The following UTP4 variants were observed in gnomAD, a reference collection of about 807,000 sequenced individuals.
UTP4 encodes UTP4 small subunit processome component.
Under a neutral mutation model 82.4 loss-of-function variants are expected in UTP4, and 45 were observed. The ratio of observed to expected loss-of-function variants is 0.55; its 90% CI spans 0.43 to 0.70. The LOEUF (loss-of-function observed/expected upper bound fraction) is 0.70. Ranked by LOEUF, UTP4 falls within the 30% of genes least tolerant of loss-of-function variation. The probability of loss-of-function intolerance (pLI) is 0.00; values close to 1 mark genes in which losing one functional copy is unlikely to be tolerated. For missense variants in UTP4, 819 were observed against 858.3 expected, an observed-to-expected ratio of 0.95 and a Z score of 0.57; for synonymous variants, 348 against 300.3, an observed-to-expected ratio of 1.16 and a Z score of -1.64.
At chr16:69,145,602 G>A (rs547550086) in intron 6 of UTP4, among the ~76,000 whole-genome samples, 5 of 151,468 alleles carry the variant, frequency 3.3e-5, no homozygotes, top group African/African-American at 9.7e-5. Flanking sequence ...AAACTGTGTC[G>A]TTGGAGGTGG....
rs1361989862 is a variant in UTP4, at chr16:69,164,595, T to TAC, written c.1648-745_1648-744insCA. On this transcript the variant is annotated intron_variant, in intron 14 of 16. Coordinates refer to ENST00000314423, the MANE Select transcript of UTP4 (RefSeq NM_032830.3). ...CAGTTCTAATCATTCTTTATATATA[T>TAC]ATATATATATATATATATATGTATA... Among the ~76,000 whole-genome samples, 6 of 128,406 alleles carry TAC rather than the reference T, an allele frequency of 4.7e-5. No homozygotes were observed. In the South Asian group the frequency reaches 1.3e-3, roughly 27 times the overall value. The allele number at this position is 128,406 out of a possible 152,430, so 84.2% of individuals were successfully genotyped here.
At chr16:69,135,794 G>A (rs532656768) in intron 2 of UTP4, among the ~76,000 whole-genome samples, 63 of 152,334 alleles carry the variant, frequency 4.1e-4, no homozygotes, top group African/African-American at 1.5e-3. Flanking sequence ...GGGAGGCCAA[G>A]GTGGGCAGAT....
chr16:69,150,760 G>T, intron 7 of UTP4, 52 bp downstream of exon 7: 1 of 1,613,510 alleles, frequency 6.2e-7, no homozygotes, highest in Non-Finnish European at 8.5e-7. Flanking sequence ...AGTTCTGGCT[G>T]TTCTCGTGAG....
chr16:69,138,982 T>TTC (rs969793038), intron 4 of UTP4: 1 of 149,244 alleles, frequency 6.7e-6, no homozygotes, highest in Non-Finnish European at 1.5e-5. Context: ...TTTTTTTTTT[T>TTC]TCCTGAGATG....
chr16:69,152,469 T>TC (rs1321932990), intron 8 of UTP4, among the ~76,000 whole-genome samples: 1 of 141,188 alleles, frequency 7.1e-6, no homozygotes, highest in Non-Finnish European at 1.5e-5. Flanking sequence ...TTTTTCTTTT[T>TC]TTTTTTTTTT....
chr16:69,167,132 G>C lies in UTP4; in HGVS notation c.1891G>C (p.Asp631His). The C allele has an allele frequency of 1.2e-6, 2 of 1,613,996 alleles. No homozygotes were observed. The highest frequency in any genetic ancestry group is 1.1e-5 in the South Asian group (1 of 91,082). Residue 631 changes from aspartate (D) to histidine (H), a missense_variant, in exon 16 of 17, where the codon GAT (aspartate) becomes CAT (histidine). Physicochemically the swap from Asp to His is moderately conservative, Grantham distance 81 (BLOSUM62 -1). Transcript: ENST00000314423. Reference sequence around the variant, plus strand: ...TCCATTTCCTCCCACGAATGAATCAGATGTCATCCGGAGGCGCACAGCTCA... The same window carrying C: ...TCCATTTCCTCCCACGAATGAATCACATGTCATCCGGAGGCGCACAGCTCA... ...YNPFPPTNES[D>H]VIRRRTAHAF...
rs755803540 is a variant in UTP4, at chr16:69,153,642, A to G, written c.1061A>G (p.His354Arg). The change falls in exon 9 of 17, where the codon CAC becomes CGC. Residue 354 changes from histidine (H) to arginine (R), a missense_variant. His to Arg is a conservative substitution (Grantham distance 29, BLOSUM62 0). Coordinates refer to ENST00000314423, the MANE Select transcript of UTP4 (RefSeq NM_032830.3). ...RQLLLFQFAH[H>R]LELWRLGSTV... ...CTTCTCCTCTTCCAGTTTGCTCATC[A>G]CTTAGAACTTTGGCGACTGGGATCC... The G allele has an allele frequency of 2.5e-6, 4 of 1,613,466 alleles. No individual in the cohort carries two copies. Among genetic ancestry groups the G allele is most frequent in the Non-Finnish European group, 3.4e-6 (4 of 1,179,750 alleles).
intron 13 of UTP4, among the ~76,000 whole-genome samples, chr16:69,160,678 C>T (rs561599184): frequency 1.3e-5 from 2 of 150,308 alleles, no homozygotes; most frequent in South Asian, 2.1e-4. Context: ...CTCACTGCAA[C>T]CTCAGCCTCC....
chr16:69,139,922 T>C lies in UTP4; in HGVS notation c.526+8T>C, dbSNP rs1263837585. ...TGTTTGATGTCAAATCAGGTGATTG[T>C]TTTTTTCAGTTCATTTGGGGTGTGG... On this transcript the variant is annotated splice_region_variant and intron_variant, in intron 5 of 16. Coordinates refer to ENST00000314423, the MANE Select transcript of UTP4 (RefSeq NM_032830.3). 1.3e-6 allele frequency: 2 copies of C among 1,590,634 alleles called. No homozygotes were observed. Among genetic ancestry groups the C allele is most frequent in the Non-Finnish European group, 1.7e-6 (2 of 1,158,678 alleles).
chr16:69,134,323 G>A (rs1427094631), intron 2 of UTP4, among the ~76,000 whole-genome samples: 2 of 152,060 alleles, frequency 1.3e-5, no homozygotes, highest in African/African-American at 4.8e-5. Flanking sequence ...TAGGCATTCT[G>A]TAAATGTTTC....
intron 3 of UTP4, 24 bp from the exon 4 acceptor site, chr16:69,137,777 G>A: frequency 7.0e-7 from 1 of 1,428,090 alleles, no homozygotes; most frequent in Non-Finnish European, 9.9e-7. Context: ...GATTTTTTCT[G>A]TTTACTACCT....
intron 8 of UTP4, 71 bp downstream of exon 8, chr16:69,150,975 C>G: frequency 8.4e-7 from 1 of 1,195,234 alleles, no homozygotes; most frequent in Non-Finnish European, 1.2e-6. Context: ...CCCACAAGCT[C>G]TGAACACAGC....
chr16:69,156,832 T>TA (rs1963428139), intron 11 of UTP4, among the ~76,000 whole-genome samples: 1 of 152,240 alleles, frequency 6.6e-6, no homozygotes, highest in Non-Finnish European at 1.5e-5. Flanking sequence ...CTACAGGCAA[T>TA]AAAATTAAAG....
At chr16:69,153,729 C>G in intron 9 of UTP4, 49 bp downstream of exon 9, 1 of 1,255,150 alleles carries the variant, frequency 8.0e-7, no homozygotes, top group Non-Finnish European at 1.2e-6. Flanking sequence ...AGAGAGAAGC[C>G]AGAAATCAGA....
At chr16:69,152,414 T>G (rs1223566200) in intron 8 of UTP4, among the ~76,000 whole-genome samples, 1 of 151,956 alleles carries the variant, frequency 6.6e-6, no homozygotes, top group East Asian at 1.9e-4. Context: ...GCCTCCCGAG[T>G]TGCTGGAGCT....
In UTP4 at chr16:69,136,818, G is replaced by A; in HGVS notation, c.282G>A (p.Lys94=). 5 of 1,614,186 alleles carry A rather than the reference G, an allele frequency of 3.1e-6. No homozygotes were observed. The highest frequency in any genetic ancestry group is 3.4e-6 in the Non-Finnish European group (4 of 1,180,016). ...ATGATTTACAGGCGTTAAACATCAAGTATGCTATGGATGCCTTTGGAGGAC... is the reference window on the plus strand; with the variant it reads ...ATGATTTACAGGCGTTAAACATCAAATATGCTATGGATGCCTTTGGAGGAC... ...MEYDLQALNI[K]YAMDAFGGPI... is the part of the protein sequence containing the mutation. The change falls in exon 3 of 17, where the codon AAG becomes AAA. Residue 94 remains lysine (K), a synonymous_variant. Coordinates refer to ENST00000314423, the MANE Select transcript of UTP4 (RefSeq NM_032830.3).
intron 12 of UTP4, among the ~76,000 whole-genome samples, chr16:69,157,777 TG>T (rs1266879146): frequency 6.6e-6 from 1 of 151,692 alleles, no homozygotes; most frequent in Non-Finnish European, 1.5e-5. Context: ...TCATTTTTTT[TG>T]TAGAGACGGG....
chr16:69,136,557 C>G (rs1206891574), intron 2 of UTP4, 139 bp from the exon 3 acceptor site: 1 of 825,476 alleles, frequency 1.2e-6, no homozygotes, highest in Non-Finnish European at 2.1e-6. Context: ...ATGAAAATGT[C>G]ATTAGGCATG....
At chr16:69,148,778 A>G (rs1963186678) in intron 6 of UTP4, among the ~76,000 whole-genome samples, 1 of 151,640 alleles carries the variant, frequency 6.6e-6, no homozygotes, top group South Asian at 2.1e-4. Context: ...TAAGTTTTTA[A>G]CATTTTTTGT....
Sources: allele counts gnomAD v4.1 joint callset (sites outside exome capture counted in the v4.1 genomes callset), GRCh38; gene constraint gnomAD v4.1.1; transcripts MANE v1.5; gene names NCBI Gene and HGNC (gene_info 2026-07-23, HGNC 2026-07-21).